Variants in CLTB observed in about 807,000 individuals in gnomAD.
CLTB encodes clathrin light chain B, also known as clathrin, light chain (Lcb).
CLTB carries 10 observed loss-of-function variants against 30.5 expected under a neutral mutation model. The ratio of observed to expected loss-of-function variants is 0.33; its 90% CI spans 0.20 to 0.56. The LOEUF (loss-of-function observed/expected upper bound fraction) is 0.56. Ranked by LOEUF, CLTB falls within the 20% of genes least tolerant of loss-of-function variation. The probability of loss-of-function intolerance (pLI) is 0.91; values close to 1 mark genes in which losing one functional copy is unlikely to be tolerated. For synonymous variants in CLTB, 102 were observed against 120.3 expected (o/e 0.85, Z 1.00); for missense variants, 261 against 308.3 (o/e 0.85, Z 1.15).
At chr5:176,400,914 C>A (rs909680201) in intron 2 of CLTB, among the ~76,000 whole-genome samples, 1 of 152,162 alleles carries the variant, frequency 6.6e-6, no homozygotes, top group Non-Finnish European at 1.5e-5. Context: ...AGAGGGAACA[C>A]ATAGATGGAA....
rs1351540411 is a variant in CLTB at position 176,392,987 on chromosome 5, TC to T, written c.519-43del. On this transcript the variant is annotated intron_variant, in intron 5 of 5. Transcript: ENST00000310418. The surrounding 1 kb of genome is among the most constrained non-coding windows in gnomAD (Gnocchi z 5.2). The stretch of plus-strand genomic sequence containing the variant: ...GACGGGCTTTTATAGCAGTCTGCTT[TC>T]CCCCAGCCTTGCCCTTGAGCAAGGC... 1 of 1,611,400 alleles carries T rather than the reference TC, an allele frequency of 6.2e-7. No individual in the cohort carries two copies. Among genetic ancestry groups the T allele is most frequent in the Non-Finnish European group, 8.5e-7 (1 of 1,177,908 alleles).
chr5:176,412,157 C>G (rs113461423), intron 1 of CLTB, among the ~76,000 whole-genome samples: 6,381 of 136,922 alleles, frequency 0.047, 471 homozygotes, highest in African/African-American at 0.16. Context: ...GCCTGGGCGA[C>G]AGAGTGAGAC....
chr5:176,414,813 T>A (rs966073208), intron 1 of CLTB, among the ~76,000 whole-genome samples: 1 of 152,262 alleles, frequency 6.6e-6, no homozygotes, highest in South Asian at 2.1e-4. Context: ...ATTTCTCATA[T>A]CAAGGAGATA....
rs1756311692 is a variant in CLTB, at chr5:176,392,711, A to T, written c.*63T>A. ...TGCTGCGAGTCTCCACCCCGACCAA[A>T]GCAGCTGCTCCTCCTGTGCCCAGGC... On this transcript the variant is annotated 3_prime_UTR_variant, in exon 6 of 6. Transcript: ENST00000310418. The surrounding 1 kb of genome is among the most constrained non-coding windows in gnomAD (Gnocchi z 5.2). 4 of 1,582,718 alleles carry T rather than the reference A, an allele frequency of 2.5e-6. No homozygotes were observed. The highest frequency in any genetic ancestry group is 2.7e-5 in the African/African-American group (2 of 74,324).
intron 2 of CLTB, chr5:176,401,795 A>G (rs944076505): frequency 2.2e-6 from 1 of 455,906 alleles, no homozygotes; most frequent in African/African-American, 2.0e-5. Context: ...CTGAGGCCCC[A>G]GCCTCCTGTT....
intron 2 of CLTB, chr5:176,401,808 T>C (rs1182589491): frequency 2.2e-6 from 1 of 455,158 alleles, no homozygotes; most frequent in Non-Finnish European, 4.4e-6. Flanking sequence ...CTCCTGTTCG[T>C]CCTTGATTTC....
intron 2 of CLTB, among the ~76,000 whole-genome samples, chr5:176,404,602 C>T (rs555238271): frequency 1.1e-4 from 16 of 152,216 alleles, no homozygotes; most frequent in African/African-American, 2.2e-4. Context: ...TCAGCCCCCA[C>T]GGTGTCCTGC....
At chr5:176,394,647 T>C (rs1756426286) in intron 5 of CLTB, among the ~76,000 whole-genome samples, 2 of 115,358 alleles carry the variant, frequency 1.7e-5, no homozygotes, top group Non-Finnish European at 4.0e-5. Flanking sequence ...ACCCCGTCTC[T>C]ACTAAAAAAT....
intron 2 of CLTB, among the ~76,000 whole-genome samples, chr5:176,404,408 G>A (rs1300847792): frequency 6.6e-6 from 1 of 152,354 alleles, no homozygotes. Flanking sequence ...ACAGCCCTTT[G>A]GGGCAGCGGA....
intron 2 of CLTB, among the ~76,000 whole-genome samples, chr5:176,399,064 G>A (rs757069384): frequency 1.3e-5 from 2 of 152,010 alleles, no homozygotes; most frequent in African/African-American, 2.4e-5. Flanking sequence ...GGCTGATCTC[G>A]AACTCCCGAC....
At chr5:176,412,663 G>A (rs898893000) in intron 1 of CLTB, among the ~76,000 whole-genome samples, 4 of 152,158 alleles carry the variant, frequency 2.6e-5, no homozygotes, top group Non-Finnish European at 5.9e-5. Flanking sequence ...TAATCCCATG[G>A]AAATAATCCC....
Position 176,397,674 on chromosome 5 carries a change from T to G in CLTB, c.397A>C (p.Lys133Gln), listed in dbSNP as rs745531281. ...VTEQEWREKA[K>Q]KDLEEWNQRQ... The stretch of plus-strand genomic sequence containing the variant: ...TGGTTCCACTCCTCCAGGTCCTTCT[T>G]GGCCTTCTCCCGCCATTCCTGTTCC... Residue 133 changes from lysine (K) to glutamine (Q), a missense_variant, in exon 4 of 6, where the codon AAG becomes CAG. By Grantham distance (53) the Lys-to-Gln change is moderately conservative. Coordinates refer to ENST00000310418, the MANE Select transcript of CLTB (RefSeq NM_007097.5). 7 of 1,613,728 alleles carry G rather than the reference T, an allele frequency of 4.3e-6. No individual in the cohort carries two copies. The South Asian group carries it at 7.7e-5, about 18-fold the overall frequency.
At chr5:176,402,264 C>G (rs1027352152) in intron 2 of CLTB, among the ~76,000 whole-genome samples, 1 of 152,180 alleles carries the variant, frequency 6.6e-6, no homozygotes, top group South Asian at 2.1e-4. Flanking sequence ...TGCCACTGTA[C>G]TCCAGCCTAG....
intron 2 of CLTB, among the ~76,000 whole-genome samples, chr5:176,400,594 C>A (rs1756768784): frequency 6.6e-6 from 1 of 152,200 alleles, no homozygotes; most frequent in African/African-American, 2.4e-5. Context: ...CAGCCACACC[C>A]GCTCTGGCAC....
chr5:176,415,461 T>C (rs372154664), intron 1 of CLTB, among the ~76,000 whole-genome samples: 4 of 152,192 alleles, frequency 2.6e-5, no homozygotes, highest in South Asian at 2.1e-4. Flanking sequence ...GGTGGGAGGA[T>C]TGCTTGAGCC....
chr5:176,413,282 G>A (rs1360610332), intron 1 of CLTB, among the ~76,000 whole-genome samples: 1 of 152,246 alleles, frequency 6.6e-6, no homozygotes. Context: ...TTGGAACAAG[G>A]GCAGAGAGGG....
At position 176,396,373 on chromosome 5, in the gene CLTB, C is replaced by T. The variant is rs73328143; in HGVS notation, c.518+106G>A. 2.2e-3 allele frequency: 2,308 copies of T among 1,056,508 alleles called. 27 individuals are homozygous for T. The African/African-American group carries it at 0.029, about 13-fold the overall frequency. 65.4% of individuals were successfully genotyped at this position (1,056,508 alleles called of 1,614,324 possible). ...TTGCCTCCTGTTCTGACCATTGCTC[C>T]GAGCCCAGCCACACTCATTTATATC... On this transcript the variant is annotated intron_variant, in intron 5 of 5. Transcript: ENST00000310418.
intron 2 of CLTB, among the ~76,000 whole-genome samples, chr5:176,402,496 G>C (rs145272892): frequency 6.6e-6 from 1 of 152,170 alleles, no homozygotes; most frequent in Non-Finnish European, 1.5e-5. Context: ...CCCTAGAATC[G>C]AGGGTCTACA....
intron 2 of CLTB, among the ~76,000 whole-genome samples, chr5:176,407,119 C>G (rs920191187): frequency 1.3e-5 from 2 of 152,160 alleles, no homozygotes; most frequent in African/African-American, 2.4e-5. Context: ...AGGCCCCGGG[C>G]TCCTCAGATT....
Sources: allele counts gnomAD v4.1 joint callset (sites outside exome capture counted in the v4.1 genomes callset), GRCh38; gene constraint gnomAD v4.1.1; non-coding constraint Gnocchi (gnomAD v3.1); transcripts MANE v1.5; gene names NCBI Gene and HGNC (gene_info 2026-07-23, HGNC 2026-07-21).